Variants in BTBD8 observed in about 807,000 individuals in gnomAD.
The protein encoded by BTBD8 is BTB domain containing 8, also known as BTB/POZ domain-containing protein 8.
In BTBD8, 110 loss-of-function variants were observed where a neutral mutation model predicts 162.9. The observed-to-expected ratio is 0.68, with a 90% CI of 0.58 to 0.79. The LOEUF is 0.79. BTBD8 is among the 30% of genes least tolerant of loss of function. The pLI, the probability that BTBD8 is intolerant of heterozygous loss-of-function variation, is 0.00. For missense variants in BTBD8, 1,905 were observed against 2,085.4 expected, an observed-to-expected ratio of 0.91 and a Z score of 1.68; for synonymous variants, 667 against 716.1, an observed-to-expected ratio of 0.93 and a Z score of 1.10.
At chr1:92,119,380 A>G (rs1649131749) in intron 4 of BTBD8, among the ~76,000 whole-genome samples, 1 of 142,058 alleles carries the variant, frequency 7.0e-6, no homozygotes, top group South Asian at 2.1e-4. Flanking sequence ...TGACCTCTCT[A>G]GCTCCAGTGA....
chr1:92,104,663 C>T (rs538224472), intron 3 of BTBD8, among the ~76,000 whole-genome samples: 1 of 152,190 alleles, frequency 6.6e-6, no homozygotes, highest in South Asian at 2.1e-4. Flanking sequence ...TCCCCACATT[C>T]ACCAGTAACC....
chr1:92,121,846 T>A (rs563909792), intron 4 of BTBD8, among the ~76,000 whole-genome samples: 11 of 151,230 alleles, frequency 7.3e-5, no homozygotes, highest in South Asian at 6.2e-4. Context: ...TTTTTATTTT[T>A]TTTTTTTTGA....
intron 9 of BTBD8, among the ~76,000 whole-genome samples, chr1:92,149,344 A>G (rs1325126164): frequency 6.6e-6 from 1 of 152,216 alleles, no homozygotes; most frequent in African/African-American, 2.4e-5. Context: ...CATCTCCTAA[A>G]AACAAAAAAA....
chr1:92,156,025 G>A (rs2100650293), intron 9 of BTBD8, among the ~76,000 whole-genome samples: 1 of 152,260 alleles, frequency 6.6e-6, no homozygotes, highest in Middle Eastern at 3.4e-3. Context: ...TAACTTAAAA[G>A]TTTTCAGGGT....
At position 92,095,848 on chromosome 1, in the gene BTBD8, C is replaced by T. The variant is rs116537868; in HGVS notation, c.348-6625C>T. ...GTGCTGTTATCAATAACTACAGCCC[C>T]CCGTCATCTTGATTCTAAGAATCTT... On this transcript the variant is annotated intron_variant, in intron 2 of 17. Coordinates refer to ENST00000636805, the MANE Select transcript of BTBD8 (RefSeq NM_001376131.1). 4.0e-3 allele frequency among the ~76,000 whole-genome samples: 602 copies of T among 152,322 alleles called. 2 individuals carry two copies. The highest frequency in any genetic ancestry group is 0.014 in the African/African-American group (584 of 41,570).
At chr1:92,146,147 C>T (rs887347554) in intron 7 of BTBD8, among the ~76,000 whole-genome samples, 15 of 152,088 alleles carry the variant, frequency 9.9e-5, no homozygotes, top group Non-Finnish European at 1.8e-4. Flanking sequence ...TATTATACTA[C>T]TTTTGCTTTA....
intron 15 of BTBD8, 95 bp downstream of exon 15, chr1:92,177,993 T>C (rs1650771067): frequency 1.6e-6 from 1 of 629,624 alleles, no homozygotes; most frequent in African/African-American, 1.9e-5. Flanking sequence ...AAATATCTTT[T>C]ATTTTTTGTT....
chr1:92,093,687 G>A (rs148549758), intron 2 of BTBD8, among the ~76,000 whole-genome samples: 4 of 152,242 alleles, frequency 2.6e-5, no homozygotes, highest in African/African-American at 9.6e-5. Flanking sequence ...TAAATGTGAT[G>A]GTTATAAAGC....
chr1:92,165,731 T>A (rs1245747848), intron 9 of BTBD8, among the ~76,000 whole-genome samples: 1 of 152,190 alleles, frequency 6.6e-6, no homozygotes, highest in Admixed American at 6.5e-5. Context: ...GGGGCTGGTC[T>A]TCCCTATTAG....
intron 4 of BTBD8, among the ~76,000 whole-genome samples, chr1:92,110,491 A>G (rs965320897): frequency 3.3e-5 from 5 of 152,164 alleles, no homozygotes; most frequent in African/African-American, 7.2e-5. Context: ...TTATGTTACT[A>G]CTTTTCTGAA....
intron 6 of BTBD8, chr1:92,139,717 T>A: frequency 2.7e-6 from 1 of 375,718 alleles, no homozygotes; most frequent in Non-Finnish European, 3.8e-6. Context: ...ATTAAACTTT[T>A]ATCAAACTTT....
In BTBD8 at chr1:92,154,901, G is replaced by C. The variant is rs139331587; in HGVS notation, c.1122+7115G>C. On this transcript the variant is annotated intron_variant, in intron 9 of 17. Coordinates refer to ENST00000636805, the MANE Select transcript of BTBD8 (RefSeq NM_001376131.1). ...AGGAGTTTTAGAGTTTCAGGTCTTA[G>C]GTAGAAGTCTTAAATCCATTTTGAG... 1.8e-3 allele frequency among the ~76,000 whole-genome samples: 268 copies of C among 152,236 alleles called. 3 individuals are homozygous for C. The highest frequency in any genetic ancestry group is 5.9e-3 in the African/African-American group (245 of 41,542).
intron 4 of BTBD8, among the ~76,000 whole-genome samples, chr1:92,127,302 A>T (rs574537381): frequency 6.6e-6 from 1 of 152,312 alleles, no homozygotes; most frequent in South Asian, 2.1e-4. Context: ...TCAGAATTCG[A>T]GGTCTACACT....
Position 92,177,297 on chromosome 1 carries a change from G to A in BTBD8, c.2104G>A (p.Val702Met). 1 of 1,552,052 alleles carries A rather than the reference G, an allele frequency of 6.4e-7. No homozygotes were observed. The highest frequency in any genetic ancestry group is 8.7e-7 in the Non-Finnish European group (1 of 1,147,086). The change falls in exon 14 of 18, where the codon GTG (valine) becomes ATG (methionine). Residue 702 changes from valine to methionine, a missense_variant. Val to Met is a conservative substitution (Grantham distance 21). Coordinates refer to ENST00000636805, the MANE Select transcript of BTBD8 (RefSeq NM_001376131.1). ...RPKVLTGNLN[V>M]QAKAKPLKKA... ...CAAGGTACTCACAGGAAACTTAAAT[G>A]TGCAAGCCAAAGCAAAGCCTTTGAA...
At chr1:92,169,101 G>T (rs1650464235) in intron 12 of BTBD8, 106 bp downstream of exon 12, 1 of 1,113,476 alleles carries the variant, frequency 9.0e-7, no homozygotes, top group South Asian at 2.1e-5. Flanking sequence ...GTGTGCTTCT[G>T]TTGGATAATA....
chr1:92,181,244 A>G lies in BTBD8; in HGVS notation c.3561A>G (p.Glu1187=), dbSNP rs1650893853. 1 of 1,551,630 alleles carries G rather than the reference A, an allele frequency of 6.4e-7. No homozygotes were observed. The highest frequency in any genetic ancestry group is 1.4e-5 in the African/African-American group (1 of 73,052). The stretch of plus-strand genomic sequence containing the variant: ...TGTCAGATGAATCTGCTATGGATGA[A>G]GACAAACATGCTACAGCAGACTCAG... The part of the protein sequence containing the change: ...SKLSDESAMD[E]DKHATADSDV... The change falls in exon 17 of 18, where the codon GAA becomes GAG. Residue 1187 remains glutamate (E), a synonymous_variant. Coordinates refer to ENST00000636805, the MANE Select transcript of BTBD8 (RefSeq NM_001376131.1).
chr1:92,178,536 G>A (rs1355633352), intron 16 of BTBD8, 85 bp downstream of exon 16: 2 of 1,010,670 alleles, frequency 2.0e-6, no homozygotes, highest in South Asian at 1.9e-5. Context: ...AACTTCAGTA[G>A]CAAATAAGCA....
intron 9 of BTBD8, 162 bp downstream of exon 9, chr1:92,147,948 C>A: frequency 1.6e-6 from 1 of 617,876 alleles, no homozygotes; most frequent in Non-Finnish European, 2.8e-6. Context: ...TCCTTTGAAA[C>A]CACTCTGCAT....
In BTBD8 at chr1:92,167,734, C is replaced by T. The variant is rs185363872; in HGVS notation, c.1306-114C>T. On this transcript the variant is annotated intron_variant, in intron 10 of 17. Coordinates refer to ENST00000636805, the MANE Select transcript of BTBD8 (RefSeq NM_001376131.1). The stretch of plus-strand genomic sequence containing the variant: ...AATTTTTTAACAAAGGGAAAAAATA[C>T]GATTTCTGGTTGACTTCATACAGCT... 1.7e-5 allele frequency: 13 copies of T among 786,562 alleles called. No individual in the cohort carries two copies. In the East Asian group the frequency reaches 2.9e-4, roughly 18 times the overall value. The allele number at this position is 786,562 out of a possible 1,614,324, so 48.7% of individuals were successfully genotyped here.
Sources: allele counts gnomAD v4.1 joint callset (sites outside exome capture counted in the v4.1 genomes callset), GRCh38; gene constraint gnomAD v4.1.1; transcripts MANE v1.5; gene names NCBI Gene and HGNC (gene_info 2026-07-23, HGNC 2026-07-21).